The following NAA60 variants were observed in gnomAD, a reference collection of about 807,000 sequenced individuals.
The protein encoded by NAA60 is N-alpha-acetyltransferase 60.
NAA60 carries 8 observed loss-of-function variants against 26.1 expected under a neutral mutation model. The ratio of observed to expected loss-of-function variants is 0.31; its 90% CI spans 0.18 to 0.55. The LOEUF (loss-of-function observed/expected upper bound fraction) is 0.55, where lower values mean the gene tolerates loss of function less well. NAA60 is among the 20% of genes least tolerant of loss of function. The probability of loss-of-function intolerance (pLI) is 0.93; values close to 1 mark genes in which losing one functional copy is unlikely to be tolerated. For synonymous variants in NAA60, 131 were observed against 122.5 expected (o/e 1.07, Z -0.46); for missense variants, 290 against 311.3 (o/e 0.93, Z 0.51).
intron 4 of NAA60, among the ~76,000 whole-genome samples, 173 bp from the exon 5 acceptor site, chr16:3,482,329 T>G (rs2036888738): frequency 6.6e-6 from 1 of 152,216 alleles, no homozygotes; most frequent in Non-Finnish European, 1.5e-5. Flanking sequence ...ATAAACGCTC[T>G]CATTTCCTTG....
intron 2 of NAA60, among the ~76,000 whole-genome samples, chr16:3,457,420 G>GC (rs1349981570): frequency 2.0e-5 from 3 of 152,232 alleles, no homozygotes; most frequent in African/African-American, 7.2e-5. Context: ...TGCGCCCCAG[G>GC]CTGGGAGACA....
intron 2 of NAA60, among the ~76,000 whole-genome samples, chr16:3,452,335 G>A (rs1300630977): frequency 1.3e-5 from 2 of 152,134 alleles, no homozygotes; most frequent in African/African-American, 4.8e-5. Flanking sequence ...TTTCTGGCAG[G>A]CAATCTAGGG....
intron 1 of NAA60, among the ~76,000 whole-genome samples, chr16:3,444,198 C>G (rs1273037819): frequency 6.6e-6 from 1 of 152,074 alleles, no homozygotes; most frequent in Admixed American, 6.5e-5. Context: ...TGCAGCCTAC[C>G]CTAGAGCCAG....
chr16:3,478,064 A>AAATAATAATAATAATAATAATAATAAT (rs60478448), intron 3 of NAA60, among the ~76,000 whole-genome samples: 2 of 137,284 alleles, frequency 1.5e-5, no homozygotes, highest in South Asian at 2.4e-4. Flanking sequence ...CTCTGTCTCA[A>AAATAATAATAATAATAATAATAATAAT]AATAATAATA....
Position 3,447,745 on chromosome 16 carries a change from G to T in NAA60, c.-76-726G>T, listed in dbSNP as rs773986820. ...CCAGTCTTATAAGGGGACAATGGCT[G>T]CAAGTCATGCCTGCAAGAACAAGAG... On this transcript the variant is annotated intron_variant, in intron 1 of 7. Transcript: ENST00000407558. The T allele has an allele frequency of 8.4e-5, 42 of 502,392 alleles. 1 individual carries two copies. The highest frequency in any genetic ancestry group is 1.0e-3 in the Middle Eastern group (1 of 990). The allele number at this position is 502,392 out of a possible 1,614,324, so 31.1% of individuals were successfully genotyped here.
intron 5 of NAA60, 61 bp downstream of exon 5, chr16:3,482,659 C>G (rs1020502508): frequency 3.3e-6 from 4 of 1,221,860 alleles, no homozygotes; most frequent in Admixed American, 4.0e-5. Flanking sequence ...ACCCCACCCC[C>G]ATCCCATCTG....
intron 2 of NAA60, among the ~76,000 whole-genome samples, chr16:3,457,234 C>T (rs1421103805): frequency 1.3e-5 from 2 of 152,084 alleles, no homozygotes; most frequent in African/African-American, 4.8e-5. Context: ...TCACTTGAGG[C>T]CAGGGGTTCA....
At chr16:3,444,366 T>C (rs985989258) in intron 1 of NAA60, among the ~76,000 whole-genome samples, 5 of 152,080 alleles carry the variant, frequency 3.3e-5, no homozygotes, top group Admixed American at 3.3e-4. Flanking sequence ...TCAGAGTGCC[T>C]CTCTGGGCTA....
chr16:3,459,550 A>G (rs1463726836), intron 2 of NAA60, among the ~76,000 whole-genome samples: 2 of 152,208 alleles, frequency 1.3e-5, no homozygotes, highest in Non-Finnish European at 2.9e-5. Context: ...GCTAGTCTTC[A>G]TCTCCCTTCT....
At chr16:3,481,995 C>T (rs2036866331) in intron 4 of NAA60, among the ~76,000 whole-genome samples, 1 of 152,164 alleles carries the variant, frequency 6.6e-6, no homozygotes, top group Admixed American at 6.5e-5. Context: ...TGGCGGTGTC[C>T]TCTGCCTGTG....
intron 2 of NAA60, among the ~76,000 whole-genome samples, chr16:3,459,169 C>G (rs910811539): frequency 2.0e-5 from 3 of 152,166 alleles, no homozygotes; most frequent in Non-Finnish European, 4.4e-5. Flanking sequence ...GAGAACATTG[C>G]CGTGTACAGA....
intron 2 of NAA60, among the ~76,000 whole-genome samples, chr16:3,466,524 G>GT (rs1353304748): frequency 1.3e-5 from 2 of 152,254 alleles, no homozygotes; most frequent in African/African-American, 2.4e-5. Flanking sequence ...ACAGTGGCCT[G>GT]TATCTGTCAC....
chr16:3,444,155 C>T (rs553087237), intron 1 of NAA60, among the ~76,000 whole-genome samples: 80 of 152,234 alleles, frequency 5.3e-4, no homozygotes, highest in African/African-American at 1.9e-3. Flanking sequence ...AGGTTAGCGT[C>T]GCAGGACGTT....
intron 2 of NAA60, chr16:3,448,770 C>G (rs537148161): frequency 7.1e-6 from 3 of 425,446 alleles, no homozygotes; most frequent in East Asian, 4.3e-5. Context: ...GTATGCCAGC[C>G]TCTTTAAACT....
intron 2 of NAA60, among the ~76,000 whole-genome samples, chr16:3,462,964 A>G (rs1033549547): frequency 6.6e-6 from 1 of 152,186 alleles, no homozygotes; most frequent in African/African-American, 2.4e-5. Context: ...TAGATTTTAT[A>G]TAGCCACGCA....
chr16:3,470,201 G>T (rs911673615), intron 2 of NAA60, among the ~76,000 whole-genome samples: 3 of 152,214 alleles, frequency 2.0e-5, no homozygotes, highest in Admixed American at 2.0e-4. Context: ...CCTCTGAGGG[G>T]CTGGGAAATG....
At chr16:3,447,605 C>T in intron 1 of NAA60, 1 of 985,346 alleles carries the variant, frequency 1.0e-6, no homozygotes, top group Non-Finnish European at 1.2e-6. Flanking sequence ...TTCTCACCTA[C>T]ACTAAGGGGG....
At chr16:3,480,320 G>A (rs1242032822) in intron 4 of NAA60, among the ~76,000 whole-genome samples, 4 of 152,192 alleles carry the variant, frequency 2.6e-5, no homozygotes, top group African/African-American at 9.6e-5. Flanking sequence ...GAAGGGGCCG[G>A]GCGCAGTGGC....
intron 6 of NAA60, 49 bp downstream of exon 6, chr16:3,483,646 G>T (rs375106863): frequency 5.2e-5 from 76 of 1,471,760 alleles, no homozygotes; most frequent in Non-Finnish European, 7.0e-5. Flanking sequence ...TGTCCATAAG[G>T]TGGCAGAGCC....
Sources: gnomAD v4.1 joint callset for allele counts (sites outside exome capture counted in the v4.1 genomes callset) on GRCh38, gnomAD v4.1.1 for gene constraint, MANE v1.5 for transcripts, NCBI Gene and HGNC (gene_info 2026-07-23, HGNC 2026-07-21) for gene names.